Variants in SBF2 observed in about 807,000 individuals in gnomAD.
SBF2 encodes the protein myotubularin-related protein 13.
A neutral mutation model predicts 225.2 loss-of-function variants in SBF2; 112 were observed. The ratio of observed to expected loss-of-function variants is 0.50; its 90% CI spans 0.43 to 0.58. SBF2 has a LOEUF of 0.58. SBF2 is among the 20% of genes least tolerant of loss of function. SBF2 has a pLI of 0.00. For synonymous variants in SBF2, 763 were observed against 773.3 expected, an observed-to-expected ratio of 0.99 and a Z score of 0.22; for missense variants, 1,996 against 2,206.2, an observed-to-expected ratio of 0.90 and a Z score of 1.91.
intron 36 of SBF2, among the ~76,000 whole-genome samples, chr11:9,785,836 AGT>A (rs1331449662): frequency 2.0e-5 from 3 of 151,514 alleles, no homozygotes; most frequent in Admixed American, 6.6e-5. Flanking sequence ...TAGGTGACAG[AGT>A]GAGACACTAT....
At chr11:9,912,942 A>G (rs1235354844) in intron 16 of SBF2, among the ~76,000 whole-genome samples, 1 of 152,254 alleles carries the variant, frequency 6.6e-6, no homozygotes, top group Non-Finnish European at 1.5e-5. Flanking sequence ...TTAAGAACAA[A>G]AGAGGTAACT....
intron 1 of SBF2, among the ~76,000 whole-genome samples, chr11:10,269,398 T>C (rs1565419857): frequency 2.0e-5 from 3 of 152,126 alleles, no homozygotes; most frequent in Non-Finnish European, 1.5e-5. Flanking sequence ...AAGTAGAGGG[T>C]AGGGTAACTA....
intron 2 of SBF2, among the ~76,000 whole-genome samples, chr11:10,048,229 C>T (rs77225065): frequency 0.015 from 2,213 of 152,186 alleles, 38 homozygotes; most frequent in African/African-American, 0.038. Context: ...CTCAACAACC[C>T]ATCTATACTA....
upstream of SBF2, among the ~76,000 whole-genome samples, chr11:10,294,437 T>G (rs750671861): frequency 9.2e-5 from 14 of 152,314 alleles, no homozygotes; most frequent in Non-Finnish European, 1.6e-4. Flanking sequence ...CACGGCCCCC[T>G]CTGCCTCCCT....
At chr11:10,018,481 CAG>C (rs1473323915) in intron 6 of SBF2, among the ~76,000 whole-genome samples, 1 of 152,044 alleles carries the variant, frequency 6.6e-6, no homozygotes, top group Non-Finnish European at 1.5e-5. Context: ...AAAGAGCAAA[CAG>C]AAATTTTAGA....
intron 2 of SBF2, among the ~76,000 whole-genome samples, chr11:10,144,042 CAT>C (rs1452278729): frequency 6.6e-6 from 1 of 152,156 alleles, no homozygotes; most frequent in Non-Finnish European, 1.5e-5. Flanking sequence ...TTGACAAATG[CAT>C]AGAGATATGT....
chr11:9,962,056 A>C lies in SBF2; in HGVS notation c.1761T>G (p.Cys587Trp). 1 of 1,614,146 alleles carries C rather than the reference A, an allele frequency of 6.2e-7. No individual in the cohort carries two copies. Among genetic ancestry groups the C allele is most frequent in the Non-Finnish European group, 8.5e-7 (1 of 1,180,002 alleles). The stretch of plus-strand genomic sequence containing the variant: ...CATGCAAACCCAATTCATCAGTGAG[A>C]CACTGTCTTGCTGCCTTTCCTTTAA... ...RALKGKAARQ[C>W]LTDELGLHVQ... The change falls in exon 16 of 40, where the codon TGT (cysteine) becomes TGG (tryptophan). Residue 587 changes from cysteine to tryptophan, a missense_variant. By Grantham distance (215) the Cys-to-Trp change is radical. Transcript: ENST00000256190.
chr11:10,235,405 C>T (rs1014421699), intron 1 of SBF2, among the ~76,000 whole-genome samples: 3 of 151,790 alleles, frequency 2.0e-5, no homozygotes, highest in African/African-American at 7.3e-5. Context: ...TGCACGCCTG[C>T]AATCCTAGCT....
chr11:10,226,755 G>A (rs1958578874), intron 1 of SBF2, among the ~76,000 whole-genome samples: 1 of 152,154 alleles, frequency 6.6e-6, no homozygotes, highest in Non-Finnish European at 1.5e-5. Flanking sequence ...TTGGTTCCAA[G>A]TCTTTGCTAT....
chr11:9,852,368 C>T (rs1282311791), intron 21 of SBF2, among the ~76,000 whole-genome samples: 4 of 152,024 alleles, frequency 2.6e-5, no homozygotes, highest in Non-Finnish European at 4.4e-5. Context: ...AAAATAGGCA[C>T]AGTATAAAAT....
chr11:10,259,741 C>T (rs1249313217), intron 1 of SBF2, among the ~76,000 whole-genome samples: 1 of 151,908 alleles, frequency 6.6e-6, no homozygotes, highest in Non-Finnish European at 1.5e-5. Context: ...GATTCCGAAA[C>T]ATAACATATT....
chr11:9,916,072 G>A (rs1863063102), intron 16 of SBF2, among the ~76,000 whole-genome samples: 1 of 151,756 alleles, frequency 6.6e-6, no homozygotes, highest in Admixed American at 6.6e-5. Context: ...TCCAAAAACA[G>A]ACAAACAAAA....
At chr11:10,229,152 A>C (rs151335191) in intron 1 of SBF2, among the ~76,000 whole-genome samples, 1 of 151,736 alleles carries the variant, frequency 6.6e-6, no homozygotes, top group Admixed American at 6.6e-5. Flanking sequence ...TCTGTGGGAT[A>C]GGTGGTGATA....
At chr11:10,230,572 C>T (rs1455835011) in intron 1 of SBF2, among the ~76,000 whole-genome samples, 2 of 152,162 alleles carry the variant, frequency 1.3e-5, no homozygotes, top group African/African-American at 2.4e-5. Flanking sequence ...ACTTATGAAG[C>T]TTAGTTTGGC....
At chr11:10,064,770 C>T (rs1239027718) in intron 2 of SBF2, among the ~76,000 whole-genome samples, 1 of 152,034 alleles carries the variant, frequency 6.6e-6, no homozygotes, top group African/African-American at 2.4e-5. Context: ...GATCTTTGAA[C>T]TATGTGAAAC....
chr11:9,902,929 A>G (rs1861834197), intron 16 of SBF2, among the ~76,000 whole-genome samples: 2 of 150,448 alleles, frequency 1.3e-5, no homozygotes, highest in Admixed American at 6.7e-5. Flanking sequence ...CTTCCAAACT[A>G]GTGGAGGAAA....
intron 28 of SBF2, chr11:9,828,054 C>T: frequency 2.3e-6 from 2 of 855,212 alleles, no homozygotes; most frequent in Non-Finnish European, 3.2e-6. Context: ...TTTAAAATAT[C>T]AACTATCTAG....
intron 2 of SBF2, among the ~76,000 whole-genome samples, chr11:10,192,596 T>C (rs1957217336): frequency 6.6e-6 from 1 of 152,212 alleles, no homozygotes; most frequent in African/African-American, 2.4e-5. Context: ...TCATTTTATG[T>C]GTATTTTTTC....
At position 9,974,960 on chromosome 11, in the gene SBF2, C is replaced by CAAAAAAAAAAAAAAAAAAAAAAAAAAA. The variant is rs1166081188; in HGVS notation, c.1396-6442_1396-6416dup. 6.9e-4 allele frequency among the ~76,000 whole-genome samples: 16 copies of CAAAAAAAAAAAAAAAAAAAAAAAAAAA among 23,270 alleles called. 4 individuals are homozygous for CAAAAAAAAAAAAAAAAAAAAAAAAAAA. The highest frequency in any genetic ancestry group is 1.2e-3 in the Non-Finnish European group (13 of 11,168). The allele number at this position is 23,270 out of a possible 152,430, so 15.3% of individuals were successfully genotyped here. On this transcript the variant is annotated intron_variant, in intron 13 of 39. Coordinates refer to ENST00000256190, the MANE Select transcript of SBF2 (RefSeq NM_030962.4). ...GGGCAACAACAGCGAAACTTTGACTCAAAAAAAAAAAAAAAAAAAAAAAAA... is the reference window on the plus strand; with the variant it reads ...GGGCAACAACAGCGAAACTTTGACTCAAAAAAAAAAAAAAAAAAAAAAAAAAAAAAAAAAAAAAAAAAAAAAAAAAAA...
Sources: allele counts gnomAD v4.1 joint callset (sites outside exome capture counted in the v4.1 genomes callset), GRCh38; gene constraint gnomAD v4.1.1; transcripts MANE v1.5; gene names NCBI Gene and HGNC (gene_info 2026-07-23, HGNC 2026-07-21).